Variants in OSTF1 observed in about 807,000 individuals in gnomAD.
OSTF1 encodes osteoclast-stimulating factor 1.
OSTF1 carries 27 observed loss-of-function variants against 37.2 expected under a neutral mutation model. The ratio of observed to expected loss-of-function variants is 0.73; its 90% CI spans 0.54 to 1.00. The LOEUF (loss-of-function observed/expected upper bound fraction) is 1.00. Ranked by LOEUF, OSTF1 falls within the 50% of genes least tolerant of loss-of-function variation. The pLI is 0.00. For missense variants in OSTF1, 232 were observed against 253.8 expected (o/e 0.91, Z 0.58); for synonymous variants, 82 against 89.2 (o/e 0.92, Z 0.46).
At chr9:75,088,950 T>G (rs1161822762) in intron 1 of OSTF1, among the ~76,000 whole-genome samples, 1 of 152,054 alleles carries the variant, frequency 6.6e-6, no homozygotes, top group African/African-American at 2.4e-5. Context: ...ATATATATAT[T>G]TAAAGGGGAG....
At chr9:75,099,681 T>C (rs1179010312) in intron 1 of OSTF1, among the ~76,000 whole-genome samples, 2 of 152,070 alleles carry the variant, frequency 1.3e-5, no homozygotes, top group African/African-American at 4.8e-5. Flanking sequence ...TACAACAAAT[T>C]AGCCGGGTGT....
chr9:75,102,206 C>G (rs1025344415), intron 1 of OSTF1, among the ~76,000 whole-genome samples: 1 of 152,144 alleles, frequency 6.6e-6, no homozygotes, highest in Non-Finnish European at 1.5e-5. Flanking sequence ...AACTCCTGGC[C>G]TCAAGTGATC....
chr9:75,111,220 C>G (rs562152302), intron 1 of OSTF1, among the ~76,000 whole-genome samples: 3 of 152,212 alleles, frequency 2.0e-5, no homozygotes, highest in South Asian at 2.1e-4. Context: ...CCTAGTTACC[C>G]TTTGCCTGTA....
intron 1 of OSTF1, among the ~76,000 whole-genome samples, chr9:75,108,935 A>G (rs2118465671): frequency 6.6e-6 from 1 of 152,130 alleles, no homozygotes; most frequent in South Asian, 2.1e-4. Flanking sequence ...CTGCCCTTTT[A>G]TATCAAACTT....
At chr9:75,114,432 G>A (rs1488643016) in intron 1 of OSTF1, among the ~76,000 whole-genome samples, 5 of 151,976 alleles carry the variant, frequency 3.3e-5, no homozygotes, top group African/African-American at 1.2e-4. Flanking sequence ...CATTCTTCTC[G>A]TGCCCAGAAG....
chr9:75,088,562 TG>T lies in OSTF1; in HGVS notation c.-128del. On this transcript the variant is annotated 5_prime_UTR_variant, in exon 1 of 10. Transcript: ENST00000346234. ...CGTCCGCTCTTCCCGCAGCCAAGGG[TG>T]GGCGCCGGTCCTAGGAGGCGCACGG... 1.1e-6 allele frequency: 1 copy of T among 951,488 alleles called. No homozygotes were observed. The highest frequency in any genetic ancestry group is 1.6e-6 in the Non-Finnish European group (1 of 613,280). 58.9% of individuals were successfully genotyped at this position (951,488 alleles called of 1,614,324 possible). A position where few individuals can be genotyped will look rare whatever the true frequency, so the allele number is the denominator to read the frequency against.
Position 75,117,534 on chromosome 9 carries a change from C to G in OSTF1, c.65C>G (p.Thr22Arg), listed in dbSNP as rs767694447. The part of the protein sequence containing the change: ...GQVKVFRALY[T>R]FEPRTPDELY... ...GTTAAAGTCTTCAGAGCCCTGTATA[C>G]GTTTGAACCCAGAACTGTAAGTGTT... Residue 22 changes from threonine (T) to arginine (R), a missense_variant, in exon 2 of 10, where the codon ACG (threonine) becomes AGG (arginine). Physicochemically the swap from Thr to Arg is moderately conservative, Grantham distance 71. Coordinates refer to ENST00000346234, the MANE Select transcript of OSTF1 (RefSeq NM_012383.5). 6.2e-7 allele frequency: 1 copy of G among 1,608,910 alleles called. No homozygotes were observed. The highest frequency in any genetic ancestry group is 1.1e-5 in the South Asian group (1 of 90,526).
At chr9:75,139,741 C>A (rs1825910276) in intron 8 of OSTF1, among the ~76,000 whole-genome samples, 1 of 152,152 alleles carries the variant, frequency 6.6e-6, no homozygotes, top group South Asian at 2.1e-4. Flanking sequence ...TCTTGGAAAG[C>A]AATCTTAAAA....
chr9:75,128,554 T>TATATATATATATATATTTTGTCC, intron 3 of OSTF1, among the ~76,000 whole-genome samples: 1 of 21,016 alleles, frequency 4.8e-5, no homozygotes, highest in Admixed American at 4.0e-4. Flanking sequence ...ATTTTGTCCA[T>TATATATATATATATATTTTGTCC]ATATATATAT....
intron 9 of OSTF1, among the ~76,000 whole-genome samples, chr9:75,141,207 G>T (rs1305806734): frequency 6.6e-6 from 1 of 151,254 alleles, no homozygotes; most frequent in African/African-American, 2.4e-5. Flanking sequence ...AGGCTGAGCT[G>T]GGGGATCACT....
Position 75,100,434 on chromosome 9 carries a change from A to T in OSTF1, c.34+11708A>T, listed in dbSNP as rs540161668. Among the ~76,000 whole-genome samples the T allele has an allele frequency of 5.0e-3, 750 of 151,400 alleles. 4 individuals are homozygous for T. The highest frequency in any genetic ancestry group is 0.014 in the African/African-American group (578 of 41,280). On this transcript the variant is annotated intron_variant, in intron 1 of 9. Transcript: ENST00000346234. ...TCAGTGAAAAAGAGTTTTTTTTTTT[A>T]AAAAAGTCTCTGAGGCCAGGCGCGG...
chr9:75,095,691 C>T (rs1419190415), intron 1 of OSTF1, among the ~76,000 whole-genome samples: 21 of 152,214 alleles, frequency 1.4e-4, no homozygotes, highest in Admixed American at 1.4e-3. Flanking sequence ...AGGCCGTTTA[C>T]CCAGTGTAAC....
intron 1 of OSTF1, among the ~76,000 whole-genome samples, chr9:75,107,092 A>G (rs534313470): frequency 6.6e-6 from 1 of 152,026 alleles, no homozygotes; most frequent in African/African-American, 2.4e-5. Context: ...GTTGGAATCC[A>G]CAAAGCCAGA....
At chr9:75,089,204 G>A (rs2118342343) in intron 1 of OSTF1, among the ~76,000 whole-genome samples, 1 of 151,828 alleles carries the variant, frequency 6.6e-6, no homozygotes, top group African/African-American at 2.4e-5. Context: ...GCCTCCCTCG[G>A]GACTTAAGCG....
At chr9:75,104,903 GTTAC>G (rs1445281160) in intron 1 of OSTF1, among the ~76,000 whole-genome samples, 3 of 152,244 alleles carry the variant, frequency 2.0e-5, no homozygotes, top group East Asian at 3.9e-4. Flanking sequence ...ACCTGGACTA[GTTAC>G]TTACCCTCTC....
chr9:75,115,033 G>GT (rs1327762905), intron 1 of OSTF1, among the ~76,000 whole-genome samples: 32 of 152,228 alleles, frequency 2.1e-4, no homozygotes, highest in African/African-American at 7.7e-4. Flanking sequence ...TCCACAAAAG[G>GT]TTTTTGAGTA....
At chr9:75,139,061 T>TCTTTCTTTTCTTTTCTTTTC (rs1825895719) in intron 8 of OSTF1, among the ~76,000 whole-genome samples, 1 of 140,976 alleles carries the variant, frequency 7.1e-6, no homozygotes, top group African/African-American at 2.8e-5. Flanking sequence ...TTTCTTTTTT[T>TCTTTCTTTTCTTTTCTTTTC]TTTGAAACTG....
rs750236847 is a variant in OSTF1 at position 75,140,826 on chromosome 9, T to C, written c.488-8T>C. On this transcript the variant is annotated splice_region_variant and splice_polypyrimidine_tract_variant and intron_variant, in intron 8 of 9. Coordinates refer to ENST00000346234, the MANE Select transcript of OSTF1 (RefSeq NM_012383.5). ...AGACACCTAATTGACTTTTCTTGTG[T>C]TGGGAAGGTGCTAGAACAGACTTAA... The C allele has an allele frequency of 2.5e-6, 4 of 1,607,198 alleles. No homozygotes were observed. The highest frequency in any genetic ancestry group is 1.1e-5 in the South Asian group (1 of 90,892).
chr9:75,098,826 G>C (rs748116948), intron 1 of OSTF1, among the ~76,000 whole-genome samples: 11 of 152,202 alleles, frequency 7.2e-5, no homozygotes, highest in Non-Finnish European at 1.2e-4. Flanking sequence ...GGTTTTCAGT[G>C]CTTATCTCTA....
Sources: allele counts gnomAD v4.1 joint callset (sites outside exome capture counted in the v4.1 genomes callset), GRCh38; gene constraint gnomAD v4.1.1; transcripts MANE v1.5; gene names NCBI Gene and HGNC (gene_info 2026-07-23, HGNC 2026-07-21).